Variants in ALK observed in about 807,000 individuals in gnomAD.
ALK encodes ALK receptor tyrosine kinase.
A neutral mutation model predicts 163.1 loss-of-function variants in ALK; 74 were observed. That is an observed-to-expected ratio of 0.45 (90% confidence interval 0.38 to 0.55). The LOEUF (loss-of-function observed/expected upper bound fraction) is 0.55. ALK is among the 20% of genes least tolerant of loss of function. The pLI is 0.00. For synonymous variants in ALK, 960 were observed against 843.2 expected, an observed-to-expected ratio of 1.14 and a Z score of -2.40; for missense variants, 2,063 against 2,105.3, an observed-to-expected ratio of 0.98 and a Z score of 0.39.
chr2:29,777,274 G>T (rs1254909284), intron 1 of ALK, among the ~76,000 whole-genome samples: 3 of 152,122 alleles, frequency 2.0e-5, no homozygotes, highest in African/African-American at 7.2e-5. Flanking sequence ...TCTATGGCAG[G>T]AGTAGGAAAA....
chr2:29,445,887 C>T (rs547679271), intron 4 of ALK, among the ~76,000 whole-genome samples: 1 of 151,326 alleles, frequency 6.6e-6, no homozygotes, highest in South Asian at 2.1e-4. Context: ...ATCACGAGGT[C>T]AGGAGATCGA....
rs552891492 is a variant in ALK at position 29,872,540 on chromosome 2, T to C, written c.667+47453A>G. Among the ~76,000 whole-genome samples, 5 of 152,342 alleles carry C rather than the reference T, an allele frequency of 3.3e-5. No homozygotes were observed. The South Asian group carries it at 1.0e-3, about 32-fold the overall frequency. On this transcript the variant is annotated intron_variant, in intron 1 of 28. Coordinates refer to ENST00000389048, the MANE Select transcript of ALK (RefSeq NM_004304.5). ...GGGAAAATCACCTGGCAGGACAGTA[T>C]ACCATAGACTGTTGTTTATCCTCAT...
intron 24 of ALK, among the ~76,000 whole-genome samples, chr2:29,212,178 G>A (rs1618579): frequency 0.2 from 30,457 of 152,162 alleles, 3,282 homozygotes; most frequent in Middle Eastern, 0.36. Flanking sequence ...ACCAGGTGAC[G>A]CGGGTTGCTC....
chr2:29,300,554 CAAAA>C (rs10715550), intron 8 of ALK, among the ~76,000 whole-genome samples: 1 of 95,516 alleles, frequency 1.0e-5, no homozygotes. Context: ...GACTCTGTCT[CAAAA>C]AAAAAAAAAA....
intron 4 of ALK, among the ~76,000 whole-genome samples, chr2:29,414,483 CT>C (rs1256288101): frequency 6.6e-6 from 1 of 152,146 alleles, no homozygotes; most frequent in Non-Finnish European, 1.5e-5. Context: ...GTTTCTTTCT[CT>C]CCCTGCGAGT....
intron 4 of ALK, among the ~76,000 whole-genome samples, chr2:29,416,065 A>C (rs1381661456): frequency 6.6e-6 from 1 of 152,212 alleles, no homozygotes; most frequent in Non-Finnish European, 1.5e-5. Context: ...TGCAGGCGAC[A>C]TACTGTGGGA....
At chr2:29,266,034 C>T (rs13403211) in intron 11 of ALK, among the ~76,000 whole-genome samples, 1,768 of 152,222 alleles carry the variant, frequency 0.012, 29 homozygotes, top group African/African-American at 0.04. Flanking sequence ...ACAAACAAAG[C>T]ATCTCCAATT....
intron 4 of ALK, among the ~76,000 whole-genome samples, chr2:29,474,587 T>C (rs1671456520): frequency 6.6e-6 from 1 of 152,256 alleles, no homozygotes; most frequent in African/African-American, 2.4e-5. Context: ...CAAAGTTGTG[T>C]GCTCTATTTA....
chr2:29,290,851 G>T (rs954438240), intron 9 of ALK, among the ~76,000 whole-genome samples: 3 of 152,142 alleles, frequency 2.0e-5, no homozygotes, highest in African/African-American at 7.2e-5. Context: ...GGGACACAAT[G>T]GCCTGGAAGG....
At chr2:29,587,042 C>T (rs1460372967) in intron 3 of ALK, among the ~76,000 whole-genome samples, 2 of 152,204 alleles carry the variant, frequency 1.3e-5, no homozygotes, top group African/African-American at 4.8e-5. Flanking sequence ...GAATCACTTC[C>T]ACCAACACCT....
chr2:29,275,370 G>A (rs753580219), intron 10 of ALK, 32 bp downstream of exon 10: 211 of 1,612,500 alleles, frequency 1.3e-4, no homozygotes, highest in Non-Finnish European at 1.7e-4. Flanking sequence ...TGGGGGTTGG[G>A]GGACAGAGTG....
chr2:29,472,130 G>A (rs1671361004), intron 4 of ALK, among the ~76,000 whole-genome samples: 1 of 152,234 alleles, frequency 6.6e-6, no homozygotes, highest in Admixed American at 6.5e-5. Context: ...ACCATGGTAT[G>A]AGAAAGCCTG....
chr2:29,659,828 A>C (rs1433902655), intron 3 of ALK, among the ~76,000 whole-genome samples: 2 of 152,022 alleles, frequency 1.3e-5, no homozygotes, highest in African/African-American at 4.8e-5. Context: ...CTCTTAGAGG[A>C]GCCCTCTCTC....
chr2:29,725,787 A>G (rs1175227972), intron 1 of ALK, among the ~76,000 whole-genome samples: 1 of 152,192 alleles, frequency 6.6e-6, no homozygotes, highest in Non-Finnish European at 1.5e-5. Flanking sequence ...TACCACATCT[A>G]TGCAGGTACT....
intron 3 of ALK, among the ~76,000 whole-genome samples, chr2:29,590,679 T>C (rs553478997): frequency 6.6e-5 from 10 of 152,192 alleles, no homozygotes; most frequent in African/African-American, 2.2e-4. Flanking sequence ...CTCCTTGGAA[T>C]TTTCCATCCT....
At chr2:29,454,097 T>C (rs1350164175) in intron 4 of ALK, among the ~76,000 whole-genome samples, 3 of 152,178 alleles carry the variant, frequency 2.0e-5, no homozygotes, top group Non-Finnish European at 4.4e-5. Context: ...AGGGCTTGCA[T>C]ATGTGAGTCT....
chr2:29,619,760 C>G lies in ALK; in HGVS notation c.952+75090G>C, dbSNP rs551428330. Among the ~76,000 whole-genome samples, 249 of 152,334 alleles carry G rather than the reference C, an allele frequency of 1.6e-3. 1 individual carries two copies. Among genetic ancestry groups the G allele is most frequent in the Middle Eastern group, 3.4e-3 (1 of 294 alleles). The stretch of plus-strand genomic sequence containing the variant: ...CCACCCATTTATATTTAAAACCCCT[C>G]CTGGGTTGTCAAACAATACATGACA... On this transcript the variant is annotated intron_variant, in intron 3 of 28. Coordinates refer to ENST00000389048, the MANE Select transcript of ALK (RefSeq NM_004304.5).
intron 3 of ALK, 84 bp downstream of exon 3, chr2:29,694,766 T>A: frequency 6.5e-7 from 1 of 1,537,870 alleles, no homozygotes; most frequent in Non-Finnish European, 9.0e-7. Context: ...AGAACAGGAG[T>A]GAAGTCTCAT....
chr2:29,868,780 G>A (rs573374282), intron 1 of ALK, among the ~76,000 whole-genome samples: 26 of 152,178 alleles, frequency 1.7e-4, no homozygotes, highest in Non-Finnish European at 2.6e-4. Context: ...ATCAGGAGGT[G>A]GGGTTGATGT....
Sources: gnomAD v4.1 joint callset for allele counts (sites outside exome capture counted in the v4.1 genomes callset) on GRCh38, gnomAD v4.1.1 for gene constraint, MANE v1.5 for transcripts, NCBI Gene and HGNC (gene_info 2026-07-23, HGNC 2026-07-21) for gene names.